Variants in HIPK2 observed in about 807,000 individuals in gnomAD.
HIPK2 encodes homeodomain-interacting protein kinase 2.
Under a neutral mutation model 113.7 loss-of-function variants are expected in HIPK2, and 27 were observed. The observed-to-expected ratio is 0.24, with a 90% confidence interval of 0.17 to 0.33. The LOEUF is 0.33. HIPK2 is among the 10% of genes least tolerant of loss of function. The pLI, the probability that HIPK2 is intolerant of heterozygous loss-of-function variation, is 1.00. For synonymous variants in HIPK2, 631 were observed against 642.2 expected, an observed-to-expected ratio of 0.98 and a Z score of 0.26; for missense variants, 1,257 against 1,588.0, an observed-to-expected ratio of 0.79 and a Z score of 3.54.
intron 2 of HIPK2, among the ~76,000 whole-genome samples, chr7:139,708,172 C>G (rs1794961942): frequency 6.6e-6 from 1 of 152,062 alleles, no homozygotes; most frequent in Non-Finnish European, 1.5e-5. Context: ...CACTCTGGAG[C>G]CCATGCCATC....
At chr7:139,632,177 T>C (rs555050308) in intron 2 of HIPK2, among the ~76,000 whole-genome samples, 1 of 152,220 alleles carries the variant, frequency 6.6e-6, no homozygotes, top group Non-Finnish European at 1.5e-5. Flanking sequence ...ACTCACTATG[T>C]TGCCTAGGCT....
At chr7:139,758,945 T>TA (rs565649250) in intron 1 of HIPK2, among the ~76,000 whole-genome samples, 8 of 151,456 alleles carry the variant, frequency 5.3e-5, no homozygotes, top group Non-Finnish European at 8.8e-5. Context: ...ACAGAAGCCA[T>TA]AAAAAAAATA....
At chr7:139,701,339 T>C (rs1042177340) in intron 2 of HIPK2, among the ~76,000 whole-genome samples, 6 of 152,002 alleles carry the variant, frequency 3.9e-5, no homozygotes, top group Non-Finnish European at 8.8e-5. Flanking sequence ...CGGTGAGAAA[T>C]AGTAATGTAT....
Position 139,667,804 on chromosome 7 carries a change from C to T in HIPK2, c.1104-36079G>A, listed in dbSNP as rs192025655. Among the ~76,000 whole-genome samples, 309 of 152,174 alleles carry T rather than the reference C, an allele frequency of 2.0e-3. 5 individuals are homozygous for T. The highest frequency in any genetic ancestry group is 0.019 in the Admixed American group (288 of 15,268). On this transcript the variant is annotated intron_variant, in intron 2 of 14. Transcript: ENST00000406875. Reference sequence around the variant, plus strand: ...GTAAATATATTCTATTTTACTTTGGCTTATCTTTTAGGTAAGAACAAAGAA... The same window carrying T: ...GTAAATATATTCTATTTTACTTTGGTTTATCTTTTAGGTAAGAACAAAGAA...
chr7:139,646,501 A>G (rs1801230974), intron 2 of HIPK2, among the ~76,000 whole-genome samples: 1 of 77,808 alleles, frequency 1.3e-5, no homozygotes, highest in Non-Finnish European at 2.9e-5. Context: ...CCTTGTCTTA[A>G]AAAAAAAAAA....
chr7:139,644,964 C>A (rs1801156077), intron 2 of HIPK2, among the ~76,000 whole-genome samples: 1 of 152,236 alleles, frequency 6.6e-6, no homozygotes, highest in Non-Finnish European at 1.5e-5. Context: ...AGTAACATCA[C>A]TTATGTGCAA....
chr7:139,646,521 GAAA>G (rs1225896648), intron 2 of HIPK2, among the ~76,000 whole-genome samples: 1 of 112,450 alleles, frequency 8.9e-6, no homozygotes, highest in Non-Finnish European at 2.1e-5. Context: ...AAAAAAAAAG[GAAA>G]GAAAGAAAAG....
At chr7:139,677,478 G>A (rs1283994548) in intron 2 of HIPK2, among the ~76,000 whole-genome samples, 5 of 152,234 alleles carry the variant, frequency 3.3e-5, no homozygotes, top group South Asian at 2.1e-4. Context: ...CCGGCATTTG[G>A]TGTCTGGGGA....
At chr7:139,637,979 C>T (rs1163434262) in intron 2 of HIPK2, among the ~76,000 whole-genome samples, 1 of 152,108 alleles carries the variant, frequency 6.6e-6, no homozygotes, top group Non-Finnish European at 1.5e-5. Flanking sequence ...AAAAGAATTA[C>T]AGCAAAAATG....
intron 1 of HIPK2, among the ~76,000 whole-genome samples, chr7:139,761,179 C>T (rs182855713): frequency 6.2e-4 from 94 of 152,248 alleles, no homozygotes; most frequent in African/African-American, 2.1e-3. Flanking sequence ...GGTAACCAGA[C>T]GGCCCCAGGC....
rs1274864260 is a variant in HIPK2, at chr7:139,752,732, A to G, written c.19+24873T>C. 4.0e-5 allele frequency among the ~76,000 whole-genome samples: 6 copies of G among 151,858 alleles called. No individual in the cohort carries two copies. The East Asian group carries it at 5.8e-4, about 15-fold the overall frequency. ...CTGCTTTTTTCACAGCTGAAAAAAA[A>G]AAAAAAAAGAAAAAGAGAAAGAAAA... On this transcript the variant is annotated intron_variant, in intron 1 of 14. Coordinates refer to ENST00000406875, the MANE Select transcript of HIPK2 (RefSeq NM_022740.5).
intron 7 of HIPK2, among the ~76,000 whole-genome samples, chr7:139,615,054 A>G (rs1158021500): frequency 6.6e-6 from 1 of 152,148 alleles, no homozygotes; most frequent in Non-Finnish European, 1.5e-5. Flanking sequence ...AGCTCTGCTC[A>G]CACTCCCCTC....
chr7:139,729,869 C>G (rs781182178), intron 1 of HIPK2, among the ~76,000 whole-genome samples: 15 of 152,146 alleles, frequency 9.9e-5, no homozygotes, highest in South Asian at 2.1e-4. Context: ...AATCACAAAC[C>G]TTTACGAAAG....
chr7:139,709,189 C>A (rs532571140), intron 2 of HIPK2, among the ~76,000 whole-genome samples: 1 of 152,120 alleles, frequency 6.6e-6, no homozygotes, highest in African/African-American at 2.4e-5. Context: ...ATAACAGTCT[C>A]CCTGGGCAAA....
At chr7:139,666,111 C>T (rs573567254) in intron 2 of HIPK2, among the ~76,000 whole-genome samples, 10 of 152,140 alleles carry the variant, frequency 6.6e-5, no homozygotes, top group South Asian at 4.2e-4. Context: ...AAGAGAAAAG[C>T]GTAGGGATGA....
At chr7:139,758,601 GA>G (rs1367302203) in intron 1 of HIPK2, among the ~76,000 whole-genome samples, 1 of 152,182 alleles carries the variant, frequency 6.6e-6, no homozygotes, top group African/African-American at 2.4e-5. Flanking sequence ...CCTCCTGTCA[GA>G]TCAGCAGTGG....
At chr7:139,698,029 G>GT (rs1302972633) in intron 2 of HIPK2, among the ~76,000 whole-genome samples, 2 of 151,980 alleles carry the variant, frequency 1.3e-5, no homozygotes, top group African/African-American at 4.8e-5. Context: ...CGCCTGGCTA[G>GT]TTTTTTGTAT....
intron 2 of HIPK2, among the ~76,000 whole-genome samples, chr7:139,652,367 A>T (rs1329670257): frequency 6.6e-6 from 1 of 152,108 alleles, no homozygotes; most frequent in East Asian, 1.9e-4. Context: ...GAGCTCGGGG[A>T]CATGATTGGA....
At position 139,565,034 on chromosome 7, in the gene HIPK2, G is replaced by A. The variant is rs1798052727; in HGVS notation, c.*7893C>T. On this transcript the variant is annotated 3_prime_UTR_variant, in exon 15 of 15. Transcript: ENST00000406875. ...CTTAAGCAACGATGACCGGGGGTAT[G>A]AAGTAATCATTATTTTCAGCCCACA... is the stretch of plus-strand genomic sequence containing the variant. 1 of 152,128 alleles carries A rather than the reference G, an allele frequency of 6.6e-6. No homozygotes were observed. The highest frequency in any genetic ancestry group is 6.5e-5 in the Admixed American group (1 of 15,272). The allele number at this position is 152,128 out of a possible 1,614,324, so 9.4% of individuals were successfully genotyped here. A position where few individuals can be genotyped will look rare whatever the true frequency, so the allele number is the denominator to read the frequency against.
Sources: allele counts gnomAD v4.1 joint callset (sites outside exome capture counted in the v4.1 genomes callset), GRCh38; gene constraint gnomAD v4.1.1; transcripts MANE v1.5; gene names NCBI Gene and HGNC (gene_info 2026-07-23, HGNC 2026-07-21).